The following C8orf34 variants were observed in gnomAD, a reference collection of about 807,000 sequenced individuals.
C8orf34 encodes the protein uncharacterized protein C8orf34.
A neutral mutation model predicts 68.3 loss-of-function variants in C8orf34; 65 were observed. The observed-to-expected ratio is 0.95, with a 90% confidence interval of 0.78 to 1.17. The LOEUF (loss-of-function observed/expected upper bound fraction) is 1.17, where lower values mean the gene tolerates loss of function less well. Ranked by LOEUF, C8orf34 falls within the 50% of genes most tolerant of loss-of-function variation. The pLI, the probability that C8orf34 is intolerant of heterozygous loss-of-function variation, is 0.00. For synonymous variants in C8orf34, 244 were observed against 241.2 expected (o/e 1.01, Z -0.11); for missense variants, 664 against 655.4 (o/e 1.01, Z -0.14).
At chr8:68,370,655 A>G (rs1220408851) in intron 1 of C8orf34, among the ~76,000 whole-genome samples, 1 of 152,014 alleles carries the variant, frequency 6.6e-6, no homozygotes, top group Non-Finnish European at 1.5e-5. Flanking sequence ...TTGTATCATG[A>G]TTTACTGTGG....
chr8:68,792,073 T>G (rs2129529170), intron 12 of C8orf34: 1 of 152,268 alleles, frequency 6.6e-6, no homozygotes, highest in African/African-American at 2.4e-5. Flanking sequence ...CATGTGTAAA[T>G]GTAAGAACTG....
intron 8 of C8orf34, among the ~76,000 whole-genome samples, chr8:68,667,562 C>T (rs1402701959): frequency 6.6e-6 from 1 of 152,068 alleles, no homozygotes; most frequent in Non-Finnish European, 1.5e-5. Context: ...GGTGCTAACT[C>T]AGGGCAACAA....
intron 8 of C8orf34, among the ~76,000 whole-genome samples, chr8:68,672,291 T>G (rs920041876): frequency 2.0e-5 from 3 of 152,132 alleles, no homozygotes; most frequent in Non-Finnish European, 4.4e-5. Context: ...AAGAACACCT[T>G]CATGAGAACT....
At chr8:68,381,738 C>CAAAAAAAAA (rs769290635) in intron 1 of C8orf34, among the ~76,000 whole-genome samples, 2 of 72,042 alleles carry the variant, frequency 2.8e-5, no homozygotes, top group South Asian at 6.9e-4. Context: ...GACTCCGTCT[C>CAAAAAAAAA]AAAAAAAAAA....
chr8:68,682,562 A>G (rs1295000087), intron 8 of C8orf34, among the ~76,000 whole-genome samples: 1 of 152,142 alleles, frequency 6.6e-6, no homozygotes, highest in African/African-American at 2.4e-5. Context: ...GTCTACAATT[A>G]CTAAAGTAAT....
intron 4 of C8orf34, among the ~76,000 whole-genome samples, chr8:68,476,742 T>C (rs1314279180): frequency 6.6e-6 from 1 of 152,156 alleles, no homozygotes; most frequent in Non-Finnish European, 1.5e-5. Context: ...GTAACATATA[T>C]CCTATGTTCA....
chr8:68,443,356 C>A (rs773089499), intron 2 of C8orf34, among the ~76,000 whole-genome samples: 1 of 152,008 alleles, frequency 6.6e-6, no homozygotes, highest in Admixed American at 6.6e-5. Context: ...CCAATTTAAA[C>A]CCTGACTGTA....
At chr8:68,669,756 G>T (rs1236385349) in intron 8 of C8orf34, among the ~76,000 whole-genome samples, 1 of 152,146 alleles carries the variant, frequency 6.6e-6, no homozygotes, top group Admixed American at 6.6e-5. Flanking sequence ...GTATGTCAAT[G>T]GAGTTTTTCA....
At chr8:68,741,193 A>G (rs1303065965) in intron 10 of C8orf34, among the ~76,000 whole-genome samples, 1 of 152,200 alleles carries the variant, frequency 6.6e-6, no homozygotes, top group Non-Finnish European at 1.5e-5. Flanking sequence ...TTACTTATAT[A>G]ACAAACCTGC....
At chr8:68,572,664 G>A (rs1022669721) in intron 7 of C8orf34, among the ~76,000 whole-genome samples, 1 of 151,938 alleles carries the variant, frequency 6.6e-6, no homozygotes, top group African/African-American at 2.4e-5. Flanking sequence ...TACCTAGGGG[G>A]ACTCTTAAAT....
intron 1 of C8orf34, among the ~76,000 whole-genome samples, chr8:68,416,215 A>G (rs1289009740): frequency 6.6e-6 from 1 of 152,130 alleles, no homozygotes; most frequent in Admixed American, 6.6e-5. Flanking sequence ...AAATTAATTA[A>G]TTTCCAGTGT....
intron 7 of C8orf34, among the ~76,000 whole-genome samples, chr8:68,540,347 A>C (rs1354715832): frequency 1.3e-5 from 2 of 150,826 alleles, no homozygotes; most frequent in African/African-American, 4.9e-5. Context: ...TTTCATATAC[A>C]ATTTTATGTA....
intron 1 of C8orf34, among the ~76,000 whole-genome samples, chr8:68,377,636 A>G (rs968867565): frequency 6.6e-6 from 1 of 152,202 alleles, no homozygotes; most frequent in South Asian, 2.1e-4. Context: ...AACAATTCAC[A>G]TGACCACTTT....
chr8:68,648,552 C>T (rs146016057), intron 8 of C8orf34, among the ~76,000 whole-genome samples: 18 of 152,276 alleles, frequency 1.2e-4, no homozygotes, highest in African/African-American at 4.3e-4. Context: ...GGACTCATGC[C>T]AGGGCATTCC....
In C8orf34 at chr8:68,598,214, G is replaced by T. The variant is rs1472724314; in HGVS notation, c.1106-42162G>T. ...ATGCATTTCTGCTAGAAATAATGCA[G>T]CACAGATCAAAATGAAGACAGTACA... is the stretch of plus-strand genomic sequence containing the variant. On this transcript the variant is annotated intron_variant, in intron 7 of 13. Transcript: ENST00000518698. 2.0e-5 allele frequency among the ~76,000 whole-genome samples: 3 copies of T among 152,062 alleles called. No homozygotes were observed. The East Asian group carries it at 5.8e-4, about 29-fold the overall frequency.
chr8:68,581,124 G>A (rs1264745680), intron 7 of C8orf34, among the ~76,000 whole-genome samples: 4 of 152,122 alleles, frequency 2.6e-5, no homozygotes, highest in South Asian at 2.1e-4. Context: ...TATGGGACAC[G>A]AGGGCCTTCA....
At chr8:68,764,622 A>G (rs1460350520) in intron 10 of C8orf34, among the ~76,000 whole-genome samples, 3 of 152,144 alleles carry the variant, frequency 2.0e-5, no homozygotes, top group Non-Finnish European at 4.4e-5. Flanking sequence ...GGAATGTGGA[A>G]AGGAATGTCT....
intron 5 of C8orf34, among the ~76,000 whole-genome samples, chr8:68,490,852 C>A (rs1813282677): frequency 6.6e-6 from 1 of 152,064 alleles, no homozygotes; most frequent in Admixed American, 6.6e-5. Flanking sequence ...TCCCATAGCA[C>A]CCTCTGGTGA....
intron 3 of C8orf34, among the ~76,000 whole-genome samples, chr8:68,460,563 C>G (rs1029664059): frequency 6.6e-6 from 1 of 152,160 alleles, no homozygotes; most frequent in Non-Finnish European, 1.5e-5. Context: ...AGACTGACAC[C>G]TCACATGGCC....
Sources: allele counts gnomAD v4.1 joint callset (sites outside exome capture counted in the v4.1 genomes callset), GRCh38; gene constraint gnomAD v4.1.1; transcripts MANE v1.5; gene names NCBI Gene and HGNC (gene_info 2026-07-23, HGNC 2026-07-21).